Variants in RBFOX3 observed in about 807,000 individuals in gnomAD.
RBFOX3 encodes the protein RNA binding protein fox-1 homolog 3.
RBFOX3 carries 17 observed loss-of-function variants against 48.7 expected under a neutral mutation model. That is an observed-to-expected ratio of 0.35 (90% CI 0.24 to 0.52). The LOEUF is 0.52. Among genes scored for constraint, RBFOX3 ranks in the 20% least tolerant of loss-of-function variants. The pLI is 0.94. For synonymous variants in RBFOX3, 212 were observed against 209.5 expected, an observed-to-expected ratio of 1.01 and a Z score of -0.10; for missense variants, 382 against 497.5, an observed-to-expected ratio of 0.77 and a Z score of 2.21.
At chr17:79,637,631 G>A in the RBFOX3 span, among the ~76,000 whole-genome samples, 1 of 150,294 alleles carries the variant, frequency 6.7e-6, no homozygotes, top group African/African-American at 2.5e-5. Context: ...GGAGGTGGAG[G>A]TTGCAGTGAG....
intron 2 of RBFOX3, among the ~76,000 whole-genome samples, chr17:79,389,012 G>A (rs1013361089): frequency 6.6e-6 from 1 of 152,174 alleles, no homozygotes; most frequent in Non-Finnish European, 1.5e-5. Context: ...AGAGGGAGAC[G>A]TGGCCCCACC....
chr17:79,246,568 G>A (rs769955564), intron 3 of RBFOX3, among the ~76,000 whole-genome samples: 16 of 152,194 alleles, frequency 1.1e-4, no homozygotes, highest in Admixed American at 2.0e-4. Flanking sequence ...CCAGATGGCC[G>A]TCCAGTCCCC....
At chr17:79,437,326 G>C (rs545800648) in intron 2 of RBFOX3, among the ~76,000 whole-genome samples, 1 of 152,196 alleles carries the variant, frequency 6.6e-6, no homozygotes, top group Non-Finnish European at 1.5e-5. Flanking sequence ...CGGGGAGGCC[G>C]GGTCCCCCTG....
At chr17:79,279,841 G>A (rs2069837218) in intron 3 of RBFOX3, among the ~76,000 whole-genome samples, 2 of 152,056 alleles carry the variant, frequency 1.3e-5, no homozygotes, top group Admixed American at 1.3e-4. Flanking sequence ...CTGAGAGGTT[G>A]GAAAAAAAGG....
intron 5 of RBFOX3, among the ~76,000 whole-genome samples, chr17:79,112,904 C>CGGGGCGGGGGGGGGGG (rs1555693090): frequency 9.6e-5 from 1 of 10,364 alleles, no homozygotes; most frequent in African/African-American, 4.6e-4. Flanking sequence ...AGCAGGCTCT[C>CGGGGCGGGGGGGGGGG]GGGGGGGGGG....
At chr17:79,643,873 CA>C in the RBFOX3 span, among the ~76,000 whole-genome samples, 1 of 145,276 alleles carries the variant, frequency 6.9e-6, no homozygotes, top group Non-Finnish European at 1.5e-5. Flanking sequence ...TTCTACCTTA[CA>C]AAACTTTTTC....
rs1443399294 is a variant in RBFOX3, at chr17:79,103,516, G to C, written c.415-262C>G. Among the ~76,000 whole-genome samples, 1 of 152,146 alleles carries C rather than the reference G, an allele frequency of 6.6e-6. No homozygotes were observed. The highest frequency in any genetic ancestry group is 1.5e-5 in the Non-Finnish European group (1 of 68,016). ...TGAGCCCAGCCTGAGCTGATCACCC[G>C]GCATCTCCAAAGGGACAGGCCAAAG... On this transcript the variant is annotated intron_variant, in intron 7 of 14. Coordinates refer to ENST00000693108, the MANE Select transcript of RBFOX3 (RefSeq NM_001350451.2). This position sits in a 1 kb window ranked among gnomAD's most constrained non-coding sequence, Gnocchi z 6.1.
At chr17:79,622,775 G>A in the RBFOX3 span, among the ~76,000 whole-genome samples, 10 of 152,186 alleles carry the variant, frequency 6.6e-5, no homozygotes, top group Non-Finnish European at 1.2e-4. Flanking sequence ...ACGGTCACAC[G>A]CAGAGGTCCT....
At chr17:79,483,458 C>CCCTGCCTGCCTCCCTCCCTCCCTG (rs2079065404) in intron 1 of RBFOX3, among the ~76,000 whole-genome samples, 1 of 124,884 alleles carries the variant, frequency 8.0e-6, no homozygotes, top group Non-Finnish European at 1.7e-5. Flanking sequence ...CTCCCTCCCT[C>CCCTGCCTGCCTCCCTCCCTCCCTG]CCTGCCTGCC....
At chr17:79,092,692 G>C in intron 14 of RBFOX3, 1 of 901,032 alleles carries the variant, frequency 1.1e-6, no homozygotes, top group South Asian at 5.1e-5. Flanking sequence ...TTTTGGAAGA[G>C]GGGAAAAAGC....
chr17:79,294,629 A>G (rs1415149421), intron 3 of RBFOX3, among the ~76,000 whole-genome samples: 2 of 152,174 alleles, frequency 1.3e-5, no homozygotes, highest in Admixed American at 1.3e-4. Flanking sequence ...AGAAACAGGA[A>G]AGATGCGGAA....
rs529148171 is a variant in RBFOX3, at chr17:79,287,866, C to G, written c.-74+19858G>C. On this transcript the variant is annotated intron_variant, in intron 3 of 14. Coordinates refer to ENST00000693108, the MANE Select transcript of RBFOX3 (RefSeq NM_001350451.2). ...TGGACGGGCTCATGGGACGTGTGCT[C>G]TGACCTGCCCACTGTTTCTCAGGAT... is the stretch of plus-strand genomic sequence containing the variant. 3.9e-5 allele frequency among the ~76,000 whole-genome samples: 6 copies of G among 152,336 alleles called. No homozygotes were observed. The South Asian group carries it at 1.2e-3, about 32-fold the overall frequency.
the RBFOX3 span, among the ~76,000 whole-genome samples, chr17:79,660,658 G>T: frequency 2.0e-5 from 3 of 152,210 alleles, no homozygotes; most frequent in Admixed American, 6.5e-5. Context: ...TGCTGGCGAG[G>T]TTATGGAGGA....
At chr17:79,147,694 T>C (rs1225329187) in intron 4 of RBFOX3, among the ~76,000 whole-genome samples, 1 of 152,224 alleles carries the variant, frequency 6.6e-6, no homozygotes, top group Non-Finnish European at 1.5e-5. Context: ...ACACCCCTGG[T>C]TCTGGGCTGG....
intron 2 of RBFOX3, among the ~76,000 whole-genome samples, chr17:79,360,263 C>G (rs761536172): frequency 6.6e-6 from 1 of 152,170 alleles, no homozygotes; most frequent in Non-Finnish European, 1.5e-5. Context: ...CCAACAAAAG[C>G]AAAGCGAGGG....
the RBFOX3 span, among the ~76,000 whole-genome samples, chr17:79,616,197 G>C: frequency 1.3e-5 from 2 of 152,240 alleles, no homozygotes; most frequent in Non-Finnish European, 2.9e-5. Context: ...GTCCAACAGA[G>C]TAAATTATAA....
intron 4 of RBFOX3, among the ~76,000 whole-genome samples, chr17:79,173,840 T>C (rs2049918481): frequency 6.7e-6 from 1 of 150,224 alleles, no homozygotes; most frequent in Non-Finnish European, 1.5e-5. Flanking sequence ...GGACTCTCCA[T>C]GGGTCATTCT....
rs1225852489 is a variant in RBFOX3, at chr17:79,477,269, A to AG, written c.-175+5184_-175+5185insC. On this transcript the variant is annotated intron_variant, in intron 2 of 14. Coordinates refer to ENST00000693108, the MANE Select transcript of RBFOX3 (RefSeq NM_001350451.2). The surrounding 1 kb of genome is among the most constrained non-coding windows in gnomAD (Gnocchi z 4.8). The stretch of plus-strand genomic sequence containing the variant: ...AATAAAGATAAATTAAAAAAAAAAA[A>AG]AAAAAAAGAGGGCGCGGTGGCTCAC... Among the ~76,000 whole-genome samples the AG allele has an allele frequency of 6.8e-6, 1 of 147,362 alleles. No homozygotes were observed. The highest frequency in any genetic ancestry group is 1.5e-5 in the Non-Finnish European group (1 of 66,726).
At chr17:79,290,597 T>C (rs1484256379) in intron 3 of RBFOX3, among the ~76,000 whole-genome samples, 1 of 152,082 alleles carries the variant, frequency 6.6e-6, no homozygotes, top group East Asian at 1.9e-4. Context: ...AGTTAGCAAA[T>C]GGAGTCTGAG....
Sources: gnomAD v4.1 joint callset for allele counts (sites outside exome capture counted in the v4.1 genomes callset) on GRCh38, gnomAD v4.1.1 for gene constraint, Gnocchi (gnomAD v3.1) non-coding constraint, MANE v1.5 for transcripts, NCBI Gene and HGNC (gene_info 2026-07-23, HGNC 2026-07-21) for gene names.